BCLAF1: variants seen among roughly 807,000 people sequenced by gnomAD.
BCLAF1 encodes bcl-2-associated transcription factor 1.
In BCLAF1, 10 loss-of-function variants were observed where a neutral mutation model predicts 99.5. The observed-to-expected ratio is 0.10, with a 90% CI of 0.06 to 0.17. BCLAF1 has a LOEUF of 0.17. Among genes scored for constraint, BCLAF1 ranks in the 10% least tolerant of loss-of-function variants. The pLI is 1.00. For missense variants in BCLAF1, 636 were observed against 1,105.8 expected (o/e 0.58, Z 6.02); for synonymous variants, 255 against 370.9 (o/e 0.69, Z 3.59).
chr6:136,276,260 C>T lies in BCLAF1; in HGVS notation c.1265G>A (p.Ser422Asn). 1 of 1,603,268 alleles carries T rather than the reference C, an allele frequency of 6.2e-7. No homozygotes were observed. Among genetic ancestry groups the T allele is most frequent in the Non-Finnish European group, 8.5e-7 (1 of 1,176,038 alleles). ...RKSVLADQGK[S>N]FATASHRNTE... Reference sequence around the variant, plus strand: ...ATTCCGGTGAGATGCAGTAGCAAAACTTTTACCCTGATCTGCGAGGACTGA... The same window carrying T: ...ATTCCGGTGAGATGCAGTAGCAAAATTTTTACCCTGATCTGCGAGGACTGA... Residue 422 changes from serine (S) to asparagine (N), a missense_variant, in exon 5 of 13, where the codon AGT becomes AAT. By Grantham distance (46) the Ser-to-Asn change is conservative. Around this residue, in one of 9 missense-constraint regions of BCLAF1, gnomAD observed 186 missense variants for 275.3 expected, o/e 0.68. Transcript: ENST00000531224.
chr6:136,284,094 T>TTA lies in BCLAF1; in HGVS notation c.-114-1409_-114-1408dup, dbSNP rs1237540927. Among the ~76,000 whole-genome samples the TTA allele has an allele frequency of 8.9e-4, 121 of 136,072 alleles. 2 individuals are homozygous for TTA. Among genetic ancestry groups the TTA allele is most frequent in the East Asian group, 3.1e-3 (15 of 4,820 alleles). The allele number at this position is 136,072 out of a possible 152,430, so 89.3% of individuals were successfully genotyped here. ...CCCTAAACAATTCCAAAAGGCTAAT[T>TTA]TATATATATATATACATATATATGT... On this transcript the variant is annotated intron_variant, in intron 1 of 12. Coordinates refer to ENST00000531224, the MANE Select transcript of BCLAF1 (RefSeq NM_014739.3).
intron 11 of BCLAF1, among the ~76,000 whole-genome samples, chr6:136,262,352 A>G (rs1187092224): frequency 6.6e-6 from 1 of 152,182 alleles, no homozygotes; most frequent in Admixed American, 6.5e-5. Context: ...CTTTATTAGA[A>G]AAGGGGTATA....
intron 11 of BCLAF1, among the ~76,000 whole-genome samples, chr6:136,263,585 A>C (rs759087333): frequency 6.6e-6 from 1 of 152,210 alleles, no homozygotes; most frequent in Non-Finnish European, 1.5e-5. Context: ...ATACACAGCT[A>C]AGAACATGTT....
chr6:136,289,164 G>A (rs1785583986), intron 1 of BCLAF1, among the ~76,000 whole-genome samples: 1 of 152,240 alleles, frequency 6.6e-6, no homozygotes, highest in African/African-American at 2.4e-5. Flanking sequence ...CCGGAGGGCA[G>A]TTTTAAAGAC....
At position 136,258,974 on chromosome 6, in the gene BCLAF1, G is replaced by A. The variant is rs1732078383; in HGVS notation, c.*2136C>T. On this transcript the variant is annotated 3_prime_UTR_variant, in exon 13 of 13. Coordinates refer to ENST00000531224, the MANE Select transcript of BCLAF1 (RefSeq NM_014739.3). ...GCAGGTATCAGTGAGTTATTTCCTA[G>A]CACTTGTAAGCAAATATCCTTACCA... 6.6e-6 allele frequency: 1 copy of A among 152,396 alleles called. No homozygotes were observed. Among genetic ancestry groups the A allele is most frequent in the African/African-American group, 2.4e-5 (1 of 41,406 alleles). The allele number at this position is 152,396 out of a possible 1,614,324, so 9.4% of individuals were successfully genotyped here. A position where few individuals can be genotyped will look rare whatever the true frequency, so the allele number is the denominator to read the frequency against.
intron 4 of BCLAF1, 87 bp downstream of exon 4, chr6:136,277,778 A>G (rs1349228587): frequency 8.3e-6 from 12 of 1,444,652 alleles, no homozygotes; most frequent in Admixed American, 2.5e-5. Flanking sequence ...AGTTAAATAC[A>G]TATCACAATT....
intron 2 of BCLAF1, among the ~76,000 whole-genome samples, chr6:136,280,908 A>G (rs756227618): frequency 2.0e-5 from 3 of 152,190 alleles, no homozygotes; most frequent in Non-Finnish European, 4.4e-5. Flanking sequence ...ATAAAAATCA[A>G]CTTACTAAAC....
Position 136,268,263 on chromosome 6 carries a change from C to T in BCLAF1, c.2296G>A (p.Glu766Lys). Residue 766 changes from glutamate (E) to lysine (K), a missense_variant, in exon 10 of 13, where the codon GAA becomes AAA. This residue lies in a region of BCLAF1 where 180 missense variants were observed against 270.0 expected (regional missense o/e 0.67). Transcript: ENST00000531224. ...ASPSSPSSRE[E>K]KESKKEREEE... ...TCTCTTTCCTTCTTACTCTCCTTTT[C>T]TTCTCGAGAACTGGGAGAAGAAGGT... The T allele has an allele frequency of 6.2e-6, 10 of 1,603,260 alleles. No individual in the cohort carries two copies. The highest frequency in any genetic ancestry group is 7.7e-6 in the Non-Finnish European group (9 of 1,175,792).
intron 11 of BCLAF1, among the ~76,000 whole-genome samples, chr6:136,265,626 T>C (rs543801100): frequency 3.9e-5 from 6 of 152,286 alleles, no homozygotes; most frequent in Non-Finnish European, 5.9e-5. Flanking sequence ...ATCTGAGTAC[T>C]AGAGTTATCT....
In BCLAF1 at chr6:136,277,925, G is replaced by C. The variant is rs769117855; in HGVS notation, c.956C>G (p.Ser319Cys). ...ATCTCCACCATCAGGATAAAACGAG[G>C]AACGGCCCCTAGACTCATCTCTTGG... Reference protein sequence around the residue: ...NAPRDESRGRSSFYPDGGDQE... With the variant: ...NAPRDESRGRCSFYPDGGDQE... The change falls in exon 4 of 13, where the codon TCC (serine) becomes TGC (cysteine). Residue 319 changes from serine to cysteine, a missense_variant. Ser to Cys is a moderately radical substitution (Grantham distance 112, BLOSUM62 -1). Around this residue, in one of 9 missense-constraint regions of BCLAF1, gnomAD observed 186 missense variants for 275.3 expected, o/e 0.68. Transcript: ENST00000531224. The C allele has an allele frequency of 3.2e-6, 5 of 1,568,364 alleles. No homozygotes were observed. The African/African-American group carries it at 4.1e-5, about 13-fold the overall frequency.
At chr6:136,289,114 C>A (rs561021507) in intron 1 of BCLAF1, among the ~76,000 whole-genome samples, 1 of 151,610 alleles carries the variant, frequency 6.6e-6, no homozygotes, top group East Asian at 1.9e-4. Context: ...AACCTAGTAG[C>A]ATCACAAAAA....
rs965376141 is a variant in BCLAF1, at chr6:136,260,812, T to A, written c.*298A>T. On this transcript the variant is annotated 3_prime_UTR_variant, in exon 13 of 13. Transcript: ENST00000531224. ...ATCAGAACTTTCACAGAGCTGTACT[T>A]GACCATATCTTATAGACAAAGCAGA... 2 of 429,182 alleles carry A rather than the reference T, an allele frequency of 4.7e-6. No individual in the cohort carries two copies. The highest frequency in any genetic ancestry group is 4.1e-5 in the African/African-American group (2 of 48,398). 26.6% of individuals were successfully genotyped at this position (429,182 alleles called of 1,614,324 possible).
At chr6:136,282,548 C>A (rs1784515608) in intron 2 of BCLAF1, 36 bp downstream of exon 2, 1 of 152,010 alleles carries the variant, frequency 6.6e-6, no homozygotes, top group Admixed American at 6.6e-5. Context: ...TCAAAAAAGT[C>A]AAAAGTGAAA....
At position 136,272,000 on chromosome 6, in the gene BCLAF1, G is replaced by T. The variant is rs1238644757; in HGVS notation, c.2038C>A (p.Gln680Lys). Residue 680 changes from glutamine to lysine, a missense_variant, in exon 8 of 13, where the codon CAA becomes AAA. By Grantham distance (53) the Gln-to-Lys change is moderately conservative. Transcript: ENST00000531224. Reference protein sequence around the residue: ...GEERVFKEENQKGDKKLRCDS... With the variant: ...GEERVFKEENKKGDKKLRCDS... ...AATTACATTCAAAAACATACCTTTT[G>T]ATTTTCTTCTTTAAAAACTCTCTCT... The T allele has an allele frequency of 1.3e-6, 2 of 1,598,984 alleles. No individual in the cohort carries two copies. The highest frequency in any genetic ancestry group is 2.2e-5 in the East Asian group (1 of 44,466).
chr6:136,264,294 C>A (rs1377425173), intron 11 of BCLAF1, among the ~76,000 whole-genome samples: 1 of 152,168 alleles, frequency 6.6e-6, no homozygotes, highest in Non-Finnish European at 1.5e-5. Context: ...GCAACCTCCA[C>A]CACTTGGGTT....
In BCLAF1 at chr6:136,257,805, A is replaced by G. The variant is rs1429545413; in HGVS notation, c.*3305T>C. ...CTCTGAACTTCTCTTTCTGGATGTG[A>G]AAGTCTATTATTCCACAAGGAAACT... On this transcript the variant is annotated 3_prime_UTR_variant, in exon 13 of 13. Transcript: ENST00000531224. 1 of 152,114 alleles carries G rather than the reference A, an allele frequency of 6.6e-6. No homozygotes were observed. Among genetic ancestry groups the G allele is most frequent in the Non-Finnish European group, 1.5e-5 (1 of 67,962 alleles). The allele number at this position is 152,114 out of a possible 1,614,324, so 9.4% of individuals were successfully genotyped here. A position where few individuals can be genotyped will look rare whatever the true frequency, so the allele number is the denominator to read the frequency against.
rs1421861261 is a variant in BCLAF1 at position 136,278,372 on chromosome 6, T to C, written c.509A>G (p.Glu170Gly). ...GSQEKQTKKA[E>G]GEPQEESPLK... ...CGGACTCTCTTCTTGGGGTTCCCCT[T>C]CAGCTTTTTTGGTTTGTTTTTCCTG... is the stretch of plus-strand genomic sequence containing the variant. Residue 170 changes from glutamate (E) to glycine (G), a missense_variant, in exon 4 of 13, where the codon GAA (glutamate) becomes GGA (glycine). By Grantham distance (98) the Glu-to-Gly change is moderately conservative. Around this residue, in one of 9 missense-constraint regions of BCLAF1, gnomAD observed 12 missense variants for 96.3 expected, o/e 0.12. Coordinates refer to ENST00000531224, the MANE Select transcript of BCLAF1 (RefSeq NM_014739.3). 1.2e-6 allele frequency: 2 copies of C among 1,613,590 alleles called. No individual in the cohort carries two copies.
intron 1 of BCLAF1, among the ~76,000 whole-genome samples, chr6:136,288,034 C>T (rs1422910847): frequency 6.6e-6 from 1 of 152,184 alleles, no homozygotes; most frequent in Non-Finnish European, 1.5e-5. Flanking sequence ...ATCAGTCAAT[C>T]AACCAGACCT....
chr6:136,271,943 T>C, intron 8 of BCLAF1, 52 bp downstream of exon 8: 2 of 1,303,754 alleles, frequency 1.5e-6, no homozygotes, highest in Non-Finnish European at 1.1e-6. Flanking sequence ...TGGTACAATA[T>C]CATTAACTAA....
Sources: gnomAD v4.1 joint callset for allele counts (sites outside exome capture counted in the v4.1 genomes callset) on GRCh38, gnomAD v4.1.1 for gene constraint, gnomAD v4.1.1 regional missense constraint, MANE v1.5 for transcripts, NCBI Gene and HGNC (gene_info 2026-07-23, HGNC 2026-07-21) for gene names.